The following FOXN3 variants were observed in gnomAD, a reference collection of about 807,000 sequenced individuals.
FOXN3 encodes the protein forkhead box protein N3.
A neutral mutation model predicts 38.4 loss-of-function variants in FOXN3; 7 were observed. That is an observed-to-expected ratio of 0.18 (90% CI 0.10 to 0.34). FOXN3 has a LOEUF of 0.34. FOXN3 is among the 10% of genes least tolerant of loss of function. The pLI, the probability that FOXN3 is intolerant of heterozygous loss-of-function variation, is 1.00. For missense variants in FOXN3, 456 were observed against 613.4 expected (o/e 0.74, Z 2.71); for synonymous variants, 230 against 242.2 (o/e 0.95, Z 0.47).
chr14:89,607,494 G>T (rs1896297367), intron 1 of FOXN3, among the ~76,000 whole-genome samples: 2 of 151,720 alleles, frequency 1.3e-5, no homozygotes, highest in South Asian at 2.1e-4. Flanking sequence ...GGGAGATGGG[G>T]GTTGCAATCA....
chr14:89,306,181 C>T lies in FOXN3; in HGVS notation c.681-25167G>A, dbSNP rs141359676. On this transcript the variant is annotated intron_variant, in intron 3 of 5. Transcript: ENST00000557258. ...GAGAAGAGTTTTTCAGTCCCTGAGGCGAGCCTCCTTGCCATCAGCACTAAA... is the reference window on the plus strand; with the variant it reads ...GAGAAGAGTTTTTCAGTCCCTGAGGTGAGCCTCCTTGCCATCAGCACTAAA... Among the ~76,000 whole-genome samples, 47 of 152,268 alleles carry T rather than the reference C, an allele frequency of 3.1e-4. 1 individual carries two copies. In the East Asian group the frequency reaches 7.3e-3, roughly 24 times the overall value.
chr14:89,606,260 T>C (rs1243774950), intron 1 of FOXN3, among the ~76,000 whole-genome samples: 1 of 152,148 alleles, frequency 6.6e-6, no homozygotes, highest in Non-Finnish European at 1.5e-5. Flanking sequence ...GTAGCTGTAA[T>C]CTTCCTAAAA....
intron 1 of FOXN3, among the ~76,000 whole-genome samples, chr14:89,501,053 CT>C (rs1239917726): frequency 6.6e-6 from 1 of 152,236 alleles, no homozygotes; most frequent in East Asian, 1.9e-4. Context: ...TTAATGCGCC[CT>C]CCACGGGATC....
intron 2 of FOXN3, among the ~76,000 whole-genome samples, chr14:89,398,229 C>G (rs534663848): frequency 1.3e-5 from 2 of 152,266 alleles, no homozygotes; most frequent in African/African-American, 4.8e-5. Flanking sequence ...ATCCCCAGTC[C>G]CCAGGATAAA....
At chr14:89,559,623 C>A (rs1895205192) in intron 1 of FOXN3, among the ~76,000 whole-genome samples, 1 of 151,898 alleles carries the variant, frequency 6.6e-6, no homozygotes, top group African/African-American at 2.4e-5. Context: ...TTGCAGTGAG[C>A]CAAGATTGCG....
chr14:89,476,595 A>C (rs1298911058), intron 1 of FOXN3, among the ~76,000 whole-genome samples: 2 of 152,338 alleles, frequency 1.3e-5, no homozygotes, highest in East Asian at 1.9e-4. Context: ...ATCAACATGG[A>C]CACATAAACC....
chr14:89,561,167 G>A (rs534458752), intron 1 of FOXN3, among the ~76,000 whole-genome samples: 13 of 152,320 alleles, frequency 8.5e-5, no homozygotes, highest in South Asian at 8.3e-4. Flanking sequence ...GAGGCCCCAC[G>A]GTGGCCTCGG....
intron 4 of FOXN3, among the ~76,000 whole-genome samples, chr14:89,251,805 G>T (rs1001612894): frequency 2.0e-5 from 3 of 152,176 alleles, no homozygotes; most frequent in African/African-American, 7.2e-5. Context: ...CATATTTACA[G>T]AACACCAATG....
At chr14:89,345,814 G>A (rs181803426) in intron 3 of FOXN3, among the ~76,000 whole-genome samples, 1 of 152,342 alleles carries the variant, frequency 6.6e-6, no homozygotes. Context: ...TCCCACTTAG[G>A]GAGACCGAGG....
chr14:89,221,515 C>T (rs181316389), intron 4 of FOXN3, among the ~76,000 whole-genome samples: 2 of 152,312 alleles, frequency 1.3e-5, no homozygotes, highest in African/African-American at 4.8e-5. Context: ...GAAAGCCTTG[C>T]AAATCCCTTA....
chr14:89,409,712 C>A (rs1891490345), intron 2 of FOXN3, among the ~76,000 whole-genome samples: 1 of 152,172 alleles, frequency 6.6e-6, no homozygotes, highest in African/African-American at 2.4e-5. Flanking sequence ...CCCTTTCTTG[C>A]CACAAAGACC....
intron 1 of FOXN3, among the ~76,000 whole-genome samples, chr14:89,606,407 T>C (rs1046281809): frequency 6.6e-6 from 1 of 152,048 alleles, no homozygotes; most frequent in African/African-American, 2.4e-5. Context: ...TAGAAAAACA[T>C]TGATACCAAA....
chr14:89,241,671 G>A (rs1174144302), intron 4 of FOXN3, among the ~76,000 whole-genome samples: 1 of 152,164 alleles, frequency 6.6e-6, no homozygotes, highest in Non-Finnish European at 1.5e-5. Flanking sequence ...ACAGACAGTT[G>A]ATTATAAATA....
At chr14:89,471,472 G>T (rs1002198981) in intron 1 of FOXN3, among the ~76,000 whole-genome samples, 2 of 152,104 alleles carry the variant, frequency 1.3e-5, no homozygotes, top group Non-Finnish European at 2.9e-5. Flanking sequence ...TAGCCAGGTG[G>T]CACACACCTG....
At chr14:89,518,084 C>G (rs559578373) in intron 1 of FOXN3, among the ~76,000 whole-genome samples, 1 of 152,284 alleles carries the variant, frequency 6.6e-6, no homozygotes, top group Non-Finnish European at 1.5e-5. Flanking sequence ...TGTGGTTAAA[C>G]AACCCTAAGC....
intron 4 of FOXN3, among the ~76,000 whole-genome samples, chr14:89,204,772 T>C (rs1330077541): frequency 6.6e-6 from 1 of 151,874 alleles, no homozygotes; most frequent in Non-Finnish European, 1.5e-5. Flanking sequence ...CATATTCAAT[T>C]TGATACAAAG....
At chr14:89,597,443 T>C (rs927670897) in intron 1 of FOXN3, among the ~76,000 whole-genome samples, 2 of 152,206 alleles carry the variant, frequency 1.3e-5, no homozygotes, top group Non-Finnish European at 2.9e-5. Context: ...TCTGTATTTG[T>C]TGAGTGCAAT....
At chr14:89,463,715 G>C in intron 1 of FOXN3, among the ~76,000 whole-genome samples, 1 of 152,038 alleles carries the variant, frequency 6.6e-6, no homozygotes, top group East Asian at 1.9e-4. Context: ...TAAGTTACTA[G>C]GGCTCCCCCA....
At chr14:89,373,981 T>C (rs927115100) in intron 2 of FOXN3, among the ~76,000 whole-genome samples, 1 of 151,994 alleles carries the variant, frequency 6.6e-6, no homozygotes, top group Admixed American at 6.6e-5. Flanking sequence ...GAATGTAAAC[T>C]AGGGCCAGGG....
Sources: gnomAD v4.1 joint callset for allele counts (sites outside exome capture counted in the v4.1 genomes callset) on GRCh38, gnomAD v4.1.1 for gene constraint, MANE v1.5 for transcripts, NCBI Gene and HGNC (gene_info 2026-07-23, HGNC 2026-07-21) for gene names.